The following SPTBN4 variants were observed in gnomAD, a reference collection of about 807,000 sequenced individuals.
SPTBN4 encodes spectrin beta chain, non-erythrocytic 4.
In SPTBN4, 96 loss-of-function variants were observed where a neutral mutation model predicts 277.8. The observed-to-expected ratio is 0.35, with a 90% CI of 0.29 to 0.41. The LOEUF is 0.41. Ranked by LOEUF, SPTBN4 falls within the 10% of genes least tolerant of loss-of-function variation. SPTBN4 has a pLI of 1.00. For synonymous variants in SPTBN4, 1,481 were observed against 1,580.3 expected (o/e 0.94, Z 1.49); for missense variants, 3,006 against 3,595.7 (o/e 0.84, Z 4.19).
rs2081004950 is a variant in SPTBN4 at position 40,558,281 on chromosome 19, C to T, written c.5670+878C>T. On this transcript the variant is annotated intron_variant, in intron 26 of 35. Transcript: ENST00000598249. ...CTGAGGCAGGAGAATCGCTTGAACC[C>T]GGGAGGCGGAGGTTGCAGTGAGCCG... 3.3e-5 allele frequency among the ~76,000 whole-genome samples: 5 copies of T among 151,604 alleles called. No individual in the cohort carries two copies. The South Asian group carries it at 6.2e-4, about 19-fold the overall frequency.
At chr19:40,540,767 T>A (rs747805850) in intron 20 of SPTBN4, among the ~76,000 whole-genome samples, 10 of 138,284 alleles carry the variant, frequency 7.2e-5, no homozygotes, top group African/African-American at 1.1e-4. Context: ...TGAGCTGTGA[T>A]CGTGTCACTG....
chr19:40,468,171 G>A (rs560647748), intron 1 of SPTBN4, among the ~76,000 whole-genome samples: 5 of 150,944 alleles, frequency 3.3e-5, no homozygotes, highest in Non-Finnish European at 7.4e-5. Flanking sequence ...TCTGCCTCCC[G>A]ACTTCAAGCA....
In SPTBN4 at chr19:40,513,486, G is replaced by T; in HGVS notation, c.2697G>T (p.Glu899Asp). ...ACGCGTGTGAGCTGTGGATCGGCGA[G>T]AAGGAGCAATGGCTGCTCTCCATGC... is the stretch of plus-strand genomic sequence containing the variant. ...EVHACELWIGEKEQWLLSMRV... is the reference protein window; with the variant it reads ...EVHACELWIGDKEQWLLSMRV... Residue 899 changes from glutamate (E) to aspartate (D), a missense_variant, in exon 14 of 36, where the codon GAG becomes GAT. Coordinates refer to ENST00000598249, the MANE Select transcript of SPTBN4 (RefSeq NM_020971.3). 1 of 1,601,290 alleles carries T rather than the reference G, an allele frequency of 6.2e-7. No homozygotes were observed. The highest frequency in any genetic ancestry group is 8.5e-7 in the Non-Finnish European group (1 of 1,178,736).
At chr19:40,509,793 G>A (rs2080371146) in intron 13 of SPTBN4, among the ~76,000 whole-genome samples, 1 of 152,300 alleles carries the variant, frequency 6.6e-6, no homozygotes, top group African/African-American at 2.4e-5. Flanking sequence ...CAGGTTGATG[G>A]GGAAGTTTCT....
chr19:40,570,795 G>A lies in SPTBN4; in HGVS notation c.7319+67G>A, dbSNP rs573958901. On this transcript the variant is annotated intron_variant, in intron 33 of 35. Coordinates refer to ENST00000598249, the MANE Select transcript of SPTBN4 (RefSeq NM_020971.3). ...CAGGGTGACCATTGCGTGGAGCGGT[G>A]GGACTGAGGAGGGGGTGTGGCTCAA... The A allele has an allele frequency of 1.8e-4, 286 of 1,548,722 alleles. 2 individuals are homozygous for A. In the African/African-American group the frequency reaches 2.1e-3, roughly 11 times the overall value.
chr19:40,470,589 G>A (rs557825993), intron 1 of SPTBN4, among the ~76,000 whole-genome samples: 3 of 151,808 alleles, frequency 2.0e-5, no homozygotes, highest in Non-Finnish European at 4.4e-5. Flanking sequence ...TTACAGGTAT[G>A]AGCCACTGTG....
At chr19:40,477,025 T>TTTATTA (rs368715725) in intron 2 of SPTBN4, among the ~76,000 whole-genome samples, 14,892 of 147,520 alleles carry the variant, frequency 0.1, 885 homozygotes, top group South Asian at 0.16. Flanking sequence ...AGCTGTAGAA[T>TTTATTA]TTATTATTAT....
In SPTBN4 at chr19:40,504,152, G is replaced by GCCCCCCC; in HGVS notation, c.1665+20_1665+21insCCCCCCC. On this transcript the variant is annotated intron_variant, in intron 12 of 35. Coordinates refer to ENST00000598249, the MANE Select transcript of SPTBN4 (RefSeq NM_020971.3). ...ATGCAGGTGCCGGCGGGGGGGCGGG[G>GCCCCCCC]ATGCGGGTGGAGTGCCAGGAGGGAG... The GCCCCCCC allele has an allele frequency of 1.1e-6, 1 of 877,170 alleles. No individual in the cohort carries two copies. The highest frequency in any genetic ancestry group is 2.2e-5 in the African/African-American group (1 of 46,066). 54.3% of individuals were successfully genotyped at this position (877,170 alleles called of 1,614,324 possible).
chr19:40,573,443 G>T (rs575647084), intron 35 of SPTBN4, among the ~76,000 whole-genome samples: 1 of 152,350 alleles, frequency 6.6e-6, no homozygotes, highest in East Asian at 1.9e-4. Flanking sequence ...GTTCCCAGGA[G>T]ATAGGTGTCT....
In SPTBN4 at chr19:40,504,137, CGGCGGGGG is replaced by C; in HGVS notation, c.1665+13_1665+20del. 1.7e-6 allele frequency: 1 copy of C among 585,358 alleles called. No individual in the cohort carries two copies. The highest frequency in any genetic ancestry group is 2.4e-6 in the Non-Finnish European group (1 of 422,678). 36.3% of individuals were successfully genotyped at this position (585,358 alleles called of 1,614,324 possible). A position where few individuals can be genotyped will look rare whatever the true frequency, so the allele number is the denominator to read the frequency against. On this transcript the variant is annotated splice_donor_region_variant and intron_variant, in intron 12 of 35. Transcript: ENST00000598249. Reference sequence around the variant, plus strand: ...GACTGGATGGAGGAGATGCAGGTGCCGGCGGGGGGGCGGGGATGCGGGTGGAGTGCCAG... The same window carrying C: ...GACTGGATGGAGGAGATGCAGGTGCCGGCGGGGATGCGGGTGGAGTGCCAG...
intron 1 of SPTBN4, among the ~76,000 whole-genome samples, chr19:40,471,941 G>A (rs1427083738): frequency 2.4e-5 from 3 of 127,544 alleles, no homozygotes; most frequent in African/African-American, 6.0e-5. Flanking sequence ...ACAGAGTTTC[G>A]CTTTTGTTGC....
intron 21 of SPTBN4, among the ~76,000 whole-genome samples, chr19:40,550,004 G>C (rs1272704497): frequency 6.6e-6 from 1 of 152,076 alleles, no homozygotes; most frequent in Non-Finnish European, 1.5e-5. Flanking sequence ...GACAGGTGTG[G>C]TGGTGCCTGT....
At position 40,497,569 on chromosome 19, in the gene SPTBN4, A is replaced by G; in HGVS notation, c.749A>G (p.Gln250Arg). 4 of 1,614,058 alleles carry G rather than the reference A, an allele frequency of 2.5e-6. No homozygotes were observed. The highest frequency in any genetic ancestry group is 3.4e-6 in the Non-Finnish European group (4 of 1,180,008). The change falls in exon 7 of 36, where the codon CAG becomes CGG. Residue 250 changes from glutamine to arginine, a missense_variant. Physicochemically the swap from Gln to Arg is conservative, Grantham distance 43. This residue lies in a region of SPTBN4 where 1,759 missense variants were observed against 2,061.5 expected (regional missense o/e 0.85). Transcript: ENST00000598249. ...NLQRAFRTAE[Q>R]HLGLARLLDP... ...CAGAGAGCCTTCCGCACAGCTGAGCAGCACCTGGGGCTGGCGCGGCTGCTG... is the reference window on the plus strand; with the variant it reads ...CAGAGAGCCTTCCGCACAGCTGAGCGGCACCTGGGGCTGGCGCGGCTGCTG...
chr19:40,494,904 G>A lies in SPTBN4; in HGVS notation c.595G>A (p.Glu199Lys). The A allele has an allele frequency of 6.2e-7, 1 of 1,613,806 alleles. No individual in the cohort carries two copies. The highest frequency in any genetic ancestry group is 8.5e-7 in the Non-Finnish European group (1 of 1,179,942). Residue 199 changes from glutamate (E) to lysine (K), a missense_variant, in exon 6 of 36, where the codon GAG (glutamate) becomes AAG (lysine). Coordinates refer to ENST00000598249, the MANE Select transcript of SPTBN4 (RefSeq NM_020971.3). ...CTCCCTTCACCCTTCCAGTTACCCT[G>A]AGGTAAACATCCAGAATTTCACCAC... ...WCQMKTAGYP[E>K]VNIQNFTTSW...
intron 1 of SPTBN4, among the ~76,000 whole-genome samples, chr19:40,471,269 A>G (rs914981219): frequency 1.3e-5 from 2 of 152,146 alleles, no homozygotes; most frequent in Non-Finnish European, 2.9e-5. Flanking sequence ...TTTGAATCCT[A>G]GATACTAACT....
At chr19:40,569,815 G>C (rs1210383704) in intron 32 of SPTBN4, 89 bp downstream of exon 32, 10 of 1,293,896 alleles carry the variant, frequency 7.7e-6, no homozygotes, top group Non-Finnish European at 9.5e-6. Context: ...GCCTAGCCCT[G>C]GCAGGACCCA....
intron 7 of SPTBN4, among the ~76,000 whole-genome samples, chr19:40,499,109 A>G (rs1478747636): frequency 6.6e-6 from 1 of 150,686 alleles, no homozygotes; most frequent in East Asian, 2.0e-4. Flanking sequence ...GCTCACTGCA[A>G]CCTCCGCCTC....
chr19:40,520,210 A>C, intron 16 of SPTBN4, 59 bp downstream of exon 16: 39 of 1,054,308 alleles, frequency 3.7e-5, no homozygotes, highest in African/African-American at 7.8e-5. Flanking sequence ...GGGGGATTGC[A>C]GGGACAGGGA....
chr19:40,470,972 C>T (rs1568749600), intron 1 of SPTBN4, among the ~76,000 whole-genome samples: 2 of 148,674 alleles, frequency 1.3e-5, no homozygotes, highest in Non-Finnish European at 1.5e-5. Flanking sequence ...TTTTTTGAGA[C>T]GGAGTCTTGC....
Sources: allele counts gnomAD v4.1 joint callset (sites outside exome capture counted in the v4.1 genomes callset), GRCh38; gene constraint gnomAD v4.1.1; regional missense constraint gnomAD v4.1.1; transcripts MANE v1.5; gene names NCBI Gene and HGNC (gene_info 2026-07-23, HGNC 2026-07-21).